Variants in CA10 observed in about 807,000 individuals in gnomAD.
CA10 encodes the protein carbonic anhydrase-related protein 10.
CA10 carries 14 observed loss-of-function variants against 44.2 expected under a neutral mutation model. The observed-to-expected ratio is 0.32, with a 90% confidence interval of 0.21 to 0.50. CA10 has a LOEUF of 0.50. Ranked by LOEUF, CA10 falls within the 20% of genes least tolerant of loss-of-function variation. The pLI, the probability that CA10 is intolerant of heterozygous loss-of-function variation, is 0.99. For missense variants in CA10, 350 were observed against 409.7 expected (o/e 0.85, Z 1.26); for synonymous variants, 159 against 141.6 (o/e 1.12, Z -0.87).
intron 4 of CA10, among the ~76,000 whole-genome samples, chr17:51,732,428 G>C (rs1378078752): frequency 6.6e-6 from 1 of 152,186 alleles, no homozygotes; most frequent in East Asian, 1.9e-4. Flanking sequence ...TCTCTTTCAA[G>C]ATCCGGCTTA....
intron 3 of CA10, among the ~76,000 whole-genome samples, chr17:51,919,472 G>T (rs1982137851): frequency 6.6e-6 from 1 of 152,172 alleles, no homozygotes; most frequent in South Asian, 2.1e-4. Flanking sequence ...GTCTCAGGCT[G>T]CTTGACAGGT....
chr17:52,031,201 G>A (rs1305932237), intron 2 of CA10, among the ~76,000 whole-genome samples: 1 of 150,572 alleles, frequency 6.6e-6, no homozygotes, highest in Non-Finnish European at 1.5e-5. Context: ...GCAGGCTGGA[G>A]TGCAGTGGCA....
intron 1 of CA10, among the ~76,000 whole-genome samples, chr17:52,091,945 G>A (rs543581402): frequency 4.6e-5 from 7 of 152,290 alleles, no homozygotes; most frequent in African/African-American, 1.7e-4. Flanking sequence ...TGTTACCTTT[G>A]AAAAGTATAT....
At chr17:51,918,577 A>C (rs1222341016) in intron 3 of CA10, among the ~76,000 whole-genome samples, 1 of 152,214 alleles carries the variant, frequency 6.6e-6, no homozygotes, top group Admixed American at 6.5e-5. Flanking sequence ...TAGAGCATGC[A>C]TGTTTCAGAG....
chr17:51,884,640 A>C (rs1254330000), intron 3 of CA10, among the ~76,000 whole-genome samples: 1 of 152,208 alleles, frequency 6.6e-6, no homozygotes, highest in Non-Finnish European at 1.5e-5. Context: ...CACTTAGTAC[A>C]AAATGATTAG....
chr17:51,871,466 C>A (rs1475152287), intron 3 of CA10, among the ~76,000 whole-genome samples: 1 of 146,454 alleles, frequency 6.8e-6, no homozygotes, highest in Non-Finnish European at 1.5e-5. Context: ...TCACGAACTC[C>A]TGACCTCAGG....
intron 3 of CA10, among the ~76,000 whole-genome samples, chr17:51,778,152 T>C (rs1905904896): frequency 6.6e-6 from 1 of 152,172 alleles, no homozygotes; most frequent in Non-Finnish European, 1.5e-5. Context: ...CTTCAGAAAG[T>C]GCACTCTCAT....
At chr17:52,083,688 T>C (rs755915862) in intron 1 of CA10, among the ~76,000 whole-genome samples, 1 of 152,212 alleles carries the variant, frequency 6.6e-6, no homozygotes, top group Non-Finnish European at 1.5e-5. Flanking sequence ...TCTGAGTTAT[T>C]TCACTTAAGC....
chr17:52,004,978 T>C (rs773183869), intron 2 of CA10, among the ~76,000 whole-genome samples: 18 of 151,814 alleles, frequency 1.2e-4, no homozygotes, highest in Non-Finnish European at 2.5e-4. Context: ...CATAAACTTG[T>C]CTAAAATAAA....
chr17:51,692,670 A>G (rs1485248160), intron 4 of CA10, among the ~76,000 whole-genome samples: 1 of 151,582 alleles, frequency 6.6e-6, no homozygotes, highest in Non-Finnish European at 1.5e-5. Context: ...TAGATGCACC[A>G]TGGTTAATCC....
At chr17:51,926,462 C>G (rs984460310) in intron 3 of CA10, among the ~76,000 whole-genome samples, 3 of 152,186 alleles carry the variant, frequency 2.0e-5, no homozygotes, top group Non-Finnish European at 2.9e-5. Flanking sequence ...CAACAAATTA[C>G]CCCATAATTA....
At chr17:51,707,167 A>T (rs554626030) in intron 4 of CA10, among the ~76,000 whole-genome samples, 1 of 152,292 alleles carries the variant, frequency 6.6e-6, no homozygotes, top group Admixed American at 6.5e-5. Flanking sequence ...TTATCATGTG[A>T]ATGAATGGTC....
intron 3 of CA10, among the ~76,000 whole-genome samples, chr17:51,778,338 G>A (rs967239225): frequency 3.3e-5 from 5 of 152,166 alleles, no homozygotes; most frequent in Admixed American, 3.3e-4. Context: ...AAGCACCAGA[G>A]GCACAGCTCA....
chr17:51,791,132 A>G (rs1408281147), intron 3 of CA10, among the ~76,000 whole-genome samples: 3 of 152,220 alleles, frequency 2.0e-5, no homozygotes, highest in Non-Finnish European at 4.4e-5. Flanking sequence ...GTAAGTACCC[A>G]GAATATAGTT....
At chr17:51,769,489 G>A (rs74375810) in intron 3 of CA10, among the ~76,000 whole-genome samples, 5,809 of 152,230 alleles carry the variant, frequency 0.038, 202 homozygotes, top group Admixed American at 0.089. Context: ...TGTGTATTTG[G>A]GGGTGATGGG....
At chr17:51,698,732 C>A (rs990052408) in intron 4 of CA10, among the ~76,000 whole-genome samples, 3 of 152,144 alleles carry the variant, frequency 2.0e-5, no homozygotes, top group African/African-American at 7.2e-5. Flanking sequence ...TCCTTCCAAC[C>A]CCTGGTAACC....
rs371451222 is a variant in CA10 at position 51,950,714 on chromosome 17, C to T, written c.137-19582G>A. 9.9e-5 allele frequency among the ~76,000 whole-genome samples: 15 copies of T among 152,248 alleles called. No homozygotes were observed. The East Asian group carries it at 1.5e-3, about 16-fold the overall frequency. On this transcript the variant is annotated intron_variant, in intron 2 of 8. Coordinates refer to ENST00000451037, the MANE Select transcript of CA10 (RefSeq NM_020178.5). ...GCCTAGCTTTCTATAAATAGCTTTT[C>T]GTGCACTCTCCTCAGACATTTACTT...
intron 8 of CA10, among the ~76,000 whole-genome samples, chr17:51,632,172 A>AAACTT (rs1271250992): frequency 2.0e-5 from 3 of 152,214 alleles, no homozygotes; most frequent in South Asian, 2.1e-4. Flanking sequence ...TATGGCTTCA[A>AAACTT]AACTTAACAT....
chr17:52,079,225 G>T (rs1987899628), intron 1 of CA10, among the ~76,000 whole-genome samples: 1 of 152,068 alleles, frequency 6.6e-6, no homozygotes, highest in African/African-American at 2.4e-5. Flanking sequence ...GGCGGAGCTT[G>T]CAGTGAGCCG....
Sources: allele counts gnomAD v4.1 joint callset (sites outside exome capture counted in the v4.1 genomes callset), GRCh38; gene constraint gnomAD v4.1.1; transcripts MANE v1.5; gene names NCBI Gene and HGNC (gene_info 2026-07-23, HGNC 2026-07-21).